The following UGT1A5 variants were observed in gnomAD, a reference collection of about 807,000 sequenced individuals.
The protein encoded by UGT1A5 is UDP-glucuronosyltransferase 1A5.
In UGT1A5, 29 loss-of-function variants were observed where a neutral mutation model predicts 40.3. The observed-to-expected ratio is 0.72, with a 90% CI of 0.54 to 0.98. UGT1A5 has a LOEUF of 0.98. Among genes scored for constraint, UGT1A5 ranks in the 50% least tolerant of loss-of-function variants. UGT1A5 has a pLI of 0.00. For synonymous variants in UGT1A5, 257 were observed against 262.5 expected, an observed-to-expected ratio of 0.98 and a Z score of 0.20; for missense variants, 678 against 677.9, an observed-to-expected ratio of 1.00 and a Z score of 0.00.
At chr2:233,724,244 G>T (rs2077194489) in intron 1 of UGT1A5, among the ~76,000 whole-genome samples, 1 of 128,230 alleles carries the variant, frequency 7.8e-6, no homozygotes, top group East Asian at 2.4e-4. Context: ...GCCGGGCAGA[G>T]GCGCCCCTCA....
chr2:233,725,428 A>G (rs1391321502), intron 1 of UGT1A5, among the ~76,000 whole-genome samples: 1 of 151,952 alleles, frequency 6.6e-6, no homozygotes, highest in Non-Finnish European at 1.5e-5. Flanking sequence ...CAATAGAAAT[A>G]TAATGTAAGC....
chr2:233,730,990 C>T (rs2078094709), intron 1 of UGT1A5, among the ~76,000 whole-genome samples: 1 of 152,140 alleles, frequency 6.6e-6, no homozygotes, highest in Non-Finnish European at 1.5e-5. Context: ...TTTCTTATTC[C>T]TTGCTGTGCC....
intron 1 of UGT1A5, among the ~76,000 whole-genome samples, chr2:233,759,628 CCTT>C (rs1265834229): frequency 8.9e-6 from 1 of 112,932 alleles, no homozygotes; most frequent in Admixed American, 1.4e-4. Context: ...CTGTTCATTT[CCTT>C]CTTAGCATGC....
intron 1 of UGT1A5, chr2:233,760,942 C>T: frequency 6.2e-7 from 1 of 1,614,210 alleles, no homozygotes. Flanking sequence ...TGCCTTTTCA[C>T]AGAACTTTCT....
At chr2:233,735,613 C>G (rs2078673556) in intron 1 of UGT1A5, among the ~76,000 whole-genome samples, 1 of 152,148 alleles carries the variant, frequency 6.6e-6, no homozygotes, top group African/African-American at 2.4e-5. Context: ...CATCGATAGT[C>G]TTTACAATTT....
chr2:233,746,319 GA>G (rs1693359020), intron 1 of UGT1A5, among the ~76,000 whole-genome samples: 9 of 151,794 alleles, frequency 5.9e-5, no homozygotes, highest in Non-Finnish European at 1.0e-4. Context: ...CCCTGTAGAT[GA>G]TCTACAGGGC....
chr2:233,714,477 G>T (rs45505392), intron 1 of UGT1A5, among the ~76,000 whole-genome samples: 3,255 of 152,164 alleles, frequency 0.021, 104 homozygotes, highest in African/African-American at 0.073. Context: ...ATAGGAGAAT[G>T]TTTCTTGTGA....
At chr2:233,760,915 GT>G in intron 1 of UGT1A5, 1 of 1,614,180 alleles carries the variant, frequency 6.2e-7, no homozygotes, top group Non-Finnish European at 8.5e-7. Context: ...CCTGCAGCGG[GT>G]GAAGAACATG....
chr2:233,725,800 A>G (rs1559371046), intron 1 of UGT1A5, among the ~76,000 whole-genome samples: 1 of 152,288 alleles, frequency 6.6e-6, no homozygotes, highest in East Asian at 1.9e-4. Flanking sequence ...AATAATCCTT[A>G]AAATCCATTT....
chr2:233,746,309 C>A (rs1693355389), intron 1 of UGT1A5, among the ~76,000 whole-genome samples: 1 of 151,738 alleles, frequency 6.6e-6, no homozygotes, highest in Admixed American at 6.5e-5. Context: ...CCTTGGAGGG[C>A]CCTGTAGATG....
intron 1 of UGT1A5, among the ~76,000 whole-genome samples, chr2:233,750,222 G>A (rs1326774834): frequency 6.6e-6 from 1 of 151,918 alleles, no homozygotes; most frequent in Non-Finnish European, 1.5e-5. Flanking sequence ...AGATGGAGAT[G>A]AGGAACTTAT....
chr2:233,738,458 G>A (rs1690791213), intron 1 of UGT1A5, among the ~76,000 whole-genome samples: 1 of 152,228 alleles, frequency 6.6e-6, no homozygotes, highest in South Asian at 2.1e-4. Context: ...GAAGATGTGG[G>A]AAAGTTTGGA....
chr2:233,716,632 A>G (rs1442427845), intron 1 of UGT1A5, among the ~76,000 whole-genome samples: 1 of 152,158 alleles, frequency 6.6e-6, no homozygotes, highest in Non-Finnish European at 1.5e-5. Flanking sequence ...TGAAGTTTTT[A>G]TCGTTTGTAC....
intron 1 of UGT1A5, chr2:233,719,680 T>C: frequency 1.2e-6 from 2 of 1,614,092 alleles, no homozygotes; most frequent in Non-Finnish European, 1.7e-6. Flanking sequence ...GGGAAGCCAC[T>C]ATCTCAGGTC....
At chr2:233,760,330 C>G (rs2125982719) in intron 1 of UGT1A5, 1 of 1,614,052 alleles carries the variant, frequency 6.2e-7, no homozygotes. Flanking sequence ...TGTCCTGGGC[C>G]TGCTGCTGTG....
chr2:233,765,693 AAAT>A (rs1266056248), intron 1 of UGT1A5, among the ~76,000 whole-genome samples: 9 of 147,360 alleles, frequency 6.1e-5, no homozygotes, highest in East Asian at 2.0e-4. Flanking sequence ...AACTTCAAGT[AAAT>A]AATAATAATA....
intron 1 of UGT1A5, chr2:233,755,332 C>A (rs556124321): frequency 5.3e-4 from 243 of 459,718 alleles, no homozygotes; most frequent in African/African-American, 4.6e-3. Flanking sequence ...CCAGCACCCG[C>A]GCACAGGTCA....
intron 1 of UGT1A5, chr2:233,743,354 T>A: frequency 5.1e-6 from 5 of 972,108 alleles, no homozygotes. Flanking sequence ...GACATGGACT[T>A]GAAGCTGCCT....
intron 1 of UGT1A5, among the ~76,000 whole-genome samples, chr2:233,761,536 A>G (rs1039884807): frequency 6.6e-6 from 1 of 152,248 alleles, no homozygotes; most frequent in Non-Finnish European, 1.5e-5. Context: ...TGATGAAATC[A>G]TTCTTTGATG....
Sources: allele counts gnomAD v4.1 joint callset (sites outside exome capture counted in the v4.1 genomes callset), GRCh38; gene constraint gnomAD v4.1.1; transcripts MANE v1.5; gene names NCBI Gene and HGNC (gene_info 2026-07-23, HGNC 2026-07-21).